MAML2: variants seen among roughly 807,000 people sequenced by gnomAD.
MAML2 encodes the protein mastermind like transcriptional coactivator 2, also known as mastermind-like protein 2.
In MAML2, 22 loss-of-function variants were observed where a neutral mutation model predicts 96.1. The observed-to-expected ratio is 0.23, with a 90% CI of 0.16 to 0.33. The LOEUF is 0.33. Among genes scored for constraint, MAML2 ranks in the 10% least tolerant of loss-of-function variants. The pLI is 1.00. For synonymous variants in MAML2, 561 were observed against 521.3 expected, an observed-to-expected ratio of 1.08 and a Z score of -1.04; for missense variants, 1,367 against 1,392.4, an observed-to-expected ratio of 0.98 and a Z score of 0.29.
intron 2 of MAML2, among the ~76,000 whole-genome samples, chr11:96,056,647 A>G (rs1352554435): frequency 6.6e-6 from 1 of 152,330 alleles, no homozygotes; most frequent in East Asian, 1.9e-4. Flanking sequence ...ACTGATTTAC[A>G]TGGAAGCTGA....
intron 2 of MAML2, among the ~76,000 whole-genome samples, chr11:96,058,672 G>A (rs900738829): frequency 3.9e-5 from 6 of 152,162 alleles, no homozygotes; most frequent in Admixed American, 3.3e-4. Flanking sequence ...TTGTTTAAAT[G>A]GAACCCAGTT....
At chr11:96,243,958 C>T (rs931558750) in intron 1 of MAML2, among the ~76,000 whole-genome samples, 2 of 152,188 alleles carry the variant, frequency 1.3e-5, no homozygotes, top group East Asian at 3.9e-4. Flanking sequence ...CCTTCTTTAA[C>T]CACGACATAG....
rs780494842 is a variant in MAML2, at chr11:95,991,712, A to T, written c.2151T>A (p.Ser717=). Residue 717 remains serine, a synonymous_variant, in exon 3 of 5, where the codon TCT becomes TCA. Transcript: ENST00000524717. ...VSQQQRQDQH[S]VVGQNTGPSP... The stretch of plus-strand genomic sequence containing the variant: ...TGGGGCCTGTGTTCTGGCCTACCAC[A>T]GAGTGTTGATCCTAAAGAAGAGAAA... 3.7e-6 allele frequency: 6 copies of T among 1,613,520 alleles called. No individual in the cohort carries two copies. The African/African-American group carries it at 8.0e-5, about 22-fold the overall frequency.
At chr11:96,165,163 T>C (rs921989737) in intron 1 of MAML2, among the ~76,000 whole-genome samples, 1 of 151,910 alleles carries the variant, frequency 6.6e-6, no homozygotes. Flanking sequence ...ATACATTGCT[T>C]TGTAGTGTGT....
intron 2 of MAML2, among the ~76,000 whole-genome samples, chr11:96,054,853 T>C (rs893693126): frequency 2.0e-5 from 3 of 152,208 alleles, no homozygotes; most frequent in Non-Finnish European, 2.9e-5. Flanking sequence ...AAGGGATTTC[T>C]TTATTCAGAT....
intron 1 of MAML2, among the ~76,000 whole-genome samples, chr11:96,213,635 C>A (rs1019326059): frequency 7.9e-5 from 12 of 152,134 alleles, no homozygotes; most frequent in African/African-American, 2.7e-4. Flanking sequence ...ACTAGTTAAT[C>A]TTCCTGGGAA....
At chr11:96,218,562 G>A (rs1862084066) in intron 1 of MAML2, among the ~76,000 whole-genome samples, 1 of 152,132 alleles carries the variant, frequency 6.6e-6, no homozygotes, top group African/African-American at 2.4e-5. Context: ...ACTTTTGTGA[G>A]GTAACTTCCT....
intron 1 of MAML2, among the ~76,000 whole-genome samples, chr11:96,247,879 C>T (rs1413362203): frequency 3.3e-5 from 5 of 152,142 alleles, no homozygotes; most frequent in African/African-American, 1.2e-4. Flanking sequence ...TCCACCAACA[C>T]ATCTGACCAC....
At chr11:96,312,827 C>G (rs1591127260) in intron 1 of MAML2, among the ~76,000 whole-genome samples, 1 of 152,290 alleles carries the variant, frequency 6.6e-6, no homozygotes, top group East Asian at 1.9e-4. Flanking sequence ...AGTTTCTTAT[C>G]AGGAACTAAT....
At chr11:96,188,056 AC>A (rs1447083314) in intron 1 of MAML2, among the ~76,000 whole-genome samples, 2 of 152,220 alleles carry the variant, frequency 1.3e-5, no homozygotes, top group African/African-American at 4.8e-5. Context: ...AATCTCAGTA[AC>A]CAGAATCATC....
intron 2 of MAML2, among the ~76,000 whole-genome samples, chr11:96,024,795 ACTGCC>A (rs1322734104): frequency 6.6e-6 from 1 of 152,124 alleles, no homozygotes; most frequent in African/African-American, 2.4e-5. Flanking sequence ...GGAGGCCTAG[ACTGCC>A]CTGCCACTCC....
intron 1 of MAML2, among the ~76,000 whole-genome samples, chr11:96,250,247 T>C (rs933209536): frequency 1.4e-4 from 21 of 148,810 alleles, no homozygotes; most frequent in African/African-American, 5.2e-4. Flanking sequence ...TGTTTAAAAT[T>C]TAAAAATTTT....
In MAML2 at chr11:96,141,121, G is replaced by T. The variant is rs1195625026; in HGVS notation, c.514-47604C>A. On this transcript the variant is annotated intron_variant, in intron 1 of 4. Transcript: ENST00000524717. Reference sequence around the variant, plus strand: ...ACTCAAAGGCTTAAGATAAGCCTAGGTATATGGGGGAAGAAGGATGACATG... The same window carrying T: ...ACTCAAAGGCTTAAGATAAGCCTAGTTATATGGGGGAAGAAGGATGACATG... Among the ~76,000 whole-genome samples, 4 of 152,050 alleles carry T rather than the reference G, an allele frequency of 2.6e-5. No individual in the cohort carries two copies. In the East Asian group the frequency reaches 7.7e-4, roughly 29 times the overall value.
At chr11:96,029,929 G>A (rs1427417019) in intron 2 of MAML2, among the ~76,000 whole-genome samples, 2 of 152,108 alleles carry the variant, frequency 1.3e-5, no homozygotes, top group African/African-American at 4.8e-5. Flanking sequence ...TTTTTTAAAA[G>A]ACTCACTTTA....
At chr11:95,991,951 C>T (rs1003224111) in intron 2 of MAML2, among the ~76,000 whole-genome samples, 1 of 152,158 alleles carries the variant, frequency 6.6e-6, no homozygotes, top group Admixed American at 6.5e-5. Context: ...GAAAAGCTCC[C>T]ATGAGGACTC....
In MAML2 at chr11:96,122,210, T is replaced by C. The variant is rs570952004; in HGVS notation, c.514-28693A>G. 5.3e-5 allele frequency among the ~76,000 whole-genome samples: 8 copies of C among 152,242 alleles called. No individual in the cohort carries two copies. The East Asian group carries it at 1.2e-3, about 22-fold the overall frequency. On this transcript the variant is annotated intron_variant, in intron 1 of 4. Transcript: ENST00000524717. The stretch of plus-strand genomic sequence containing the variant: ...AAAAGCTCACAATTCTCCAGCCATG[T>C]AGATACAGCTATGCTTTGGCCTCCT...
At chr11:96,012,464 T>C (rs1376753485) in intron 2 of MAML2, among the ~76,000 whole-genome samples, 4 of 152,234 alleles carry the variant, frequency 2.6e-5, no homozygotes, top group African/African-American at 9.6e-5. Context: ...CACTGTGCCA[T>C]GTCTGAAGGG....
At chr11:95,998,923 G>A (rs1441564978) in intron 2 of MAML2, among the ~76,000 whole-genome samples, 5 of 152,250 alleles carry the variant, frequency 3.3e-5, no homozygotes, top group South Asian at 4.1e-4. Flanking sequence ...GCTCACTGAG[G>A]TTGCAATCTA....
At chr11:96,164,281 A>G (rs1861158449) in intron 1 of MAML2, among the ~76,000 whole-genome samples, 1 of 152,194 alleles carries the variant, frequency 6.6e-6, no homozygotes. Flanking sequence ...TCATAAAAGC[A>G]TAGAAATCAG....
Sources: allele counts gnomAD v4.1 joint callset (sites outside exome capture counted in the v4.1 genomes callset), GRCh38; gene constraint gnomAD v4.1.1; transcripts MANE v1.5; gene names NCBI Gene and HGNC (gene_info 2026-07-23, HGNC 2026-07-21).